ECT2: variants seen among roughly 807,000 people sequenced by gnomAD.
ECT2 encodes the protein epithelial cell transforming 2.
ECT2 carries 61 observed loss-of-function variants against 116.9 expected under a neutral mutation model. The observed-to-expected ratio is 0.52, with a 90% CI of 0.42 to 0.65. The LOEUF (loss-of-function observed/expected upper bound fraction) is 0.65, where lower values mean the gene tolerates loss of function less well. ECT2 is among the 30% of genes least tolerant of loss of function. ECT2 has a pLI of 0.00. For missense variants in ECT2, 937 were observed against 1,078.7 expected, an observed-to-expected ratio of 0.87 and a Z score of 1.84; for synonymous variants, 358 against 346.4, an observed-to-expected ratio of 1.03 and a Z score of -0.37.
chr3:172,812,519 C>T lies in ECT2; in HGVS notation c.2401-3085C>T, dbSNP rs999582334. The stretch of plus-strand genomic sequence containing the variant: ...TTGAAAAAAAAAGTCATAAGTTTAC[C>T]AATTGAAAGGAGCATTGATAAGTTA... On this transcript the variant is annotated intron_variant, in intron 22 of 24. Coordinates refer to ENST00000392692, the MANE Select transcript of ECT2 (RefSeq NM_001258315.2). 2.1e-4 allele frequency among the ~76,000 whole-genome samples: 31 copies of T among 151,156 alleles called. 1 individual carries two copies. The highest frequency in any genetic ancestry group is 9.7e-5 in the African/African-American group (4 of 41,100).
At chr3:172,763,269 C>T (rs1379095721) in intron 11 of ECT2, among the ~76,000 whole-genome samples, 3 of 152,122 alleles carry the variant, frequency 2.0e-5, no homozygotes, top group East Asian at 1.9e-4. Context: ...ACGTAGTTAA[C>T]GATGGGGAAT....
chr3:172,785,490 T>C (rs530158824), intron 17 of ECT2, among the ~76,000 whole-genome samples: 7 of 151,300 alleles, frequency 4.6e-5, no homozygotes, highest in African/African-American at 1.7e-4. Context: ...CTGGGCAACA[T>C]TCAGGGACCC....
intron 12 of ECT2, among the ~76,000 whole-genome samples, chr3:172,767,134 T>C (rs1719565459): frequency 6.6e-6 from 1 of 152,206 alleles, no homozygotes; most frequent in Non-Finnish European, 1.5e-5. Flanking sequence ...TTTTTTGAGA[T>C]TCTGTTTTTT....
the ECT2 span, chr3:172,828,775 A>AC: frequency 6.0e-5 from 38 of 637,792 alleles, no homozygotes; most frequent in Admixed American, 1.0e-4. Flanking sequence ...AAACAGAAGA[A>AC]CCCCCCATGG....
At chr3:172,768,312 C>T (rs1294878287) in intron 12 of ECT2, among the ~76,000 whole-genome samples, 1 of 152,038 alleles carries the variant, frequency 6.6e-6, no homozygotes, top group Non-Finnish European at 1.5e-5. Flanking sequence ...ATTCCTATAC[C>T]TTTTACCCAG....
In ECT2 at chr3:172,762,737, A is replaced by C. The variant is rs1192737300; in HGVS notation, c.936A>C (p.Val312=). The stretch of plus-strand genomic sequence containing the variant: ...GAGATGAAAGATGCACTCACCTTGT[A>C]GTTGAAGAGAATATAGTAAAAGATC... ...PLGDERCTHL[V]VEENIVKDLP... The change falls in exon 10 of 25, where the codon GTA becomes GTC. Residue 312 remains valine, a synonymous_variant. Coordinates refer to ENST00000392692, the MANE Select transcript of ECT2 (RefSeq NM_001258315.2). 6 of 1,613,166 alleles carry C rather than the reference A, an allele frequency of 3.7e-6. No homozygotes were observed. Among genetic ancestry groups the C allele is most frequent in the Non-Finnish European group, 5.1e-6 (6 of 1,179,666 alleles).
intron 16 of ECT2, 101 bp downstream of exon 16, chr3:172,784,010 T>A: frequency 1.3e-6 from 1 of 750,036 alleles, no homozygotes; most frequent in Non-Finnish European, 2.1e-6. Flanking sequence ...TAGTAAAATG[T>A]ATCCATTAAT....
chr3:172,792,959 A>G (rs1245754290), intron 18 of ECT2, among the ~76,000 whole-genome samples: 1 of 152,172 alleles, frequency 6.6e-6, no homozygotes, highest in African/African-American at 2.4e-5. Context: ...GAGTCAAGCA[A>G]TCTGCCTGCC....
At chr3:172,817,746 GAAGTT>G (rs1307284072) in intron 24 of ECT2, among the ~76,000 whole-genome samples, 1 of 151,970 alleles carries the variant, frequency 6.6e-6, no homozygotes. Flanking sequence ...TTAACCTACT[GAAGTT>G]AAGAAAAGCA....
chr3:172,784,730 T>C lies in ECT2; in HGVS notation c.1752T>C (p.Cys584=). 1 of 1,613,604 alleles carries C rather than the reference T, an allele frequency of 6.2e-7. No homozygotes were observed. The highest frequency in any genetic ancestry group is 8.5e-7 in the Non-Finnish European group (1 of 1,179,556). Residue 584 remains cysteine, a synonymous_variant, in exon 17 of 25, where the codon TGT becomes TGC. Transcript: ENST00000392692. ...FLKINQAKPE[C]GRQSLVELLI... ...AGATAAACCAAGCAAAACCAGAATG[T>C]GGACGGCAGAGCCTTGTTGAACTTC... is the stretch of plus-strand genomic sequence containing the variant.
chr3:172,763,141 A>C (rs778271144), intron 11 of ECT2, among the ~76,000 whole-genome samples, 169 bp downstream of exon 11: 6 of 152,218 alleles, frequency 3.9e-5, no homozygotes, highest in Admixed American at 1.3e-4. Context: ...TATTCAATGT[A>C]ATGTGTATTA....
intron 13 of ECT2, among the ~76,000 whole-genome samples, chr3:172,772,763 G>A (rs937424866): frequency 1.3e-4 from 20 of 151,884 alleles, no homozygotes; most frequent in African/African-American, 4.1e-4. Context: ...GTTTATGTCC[G>A]TGACCCATTT....
chr3:172,772,422 TC>T, intron 13 of ECT2, among the ~76,000 whole-genome samples: 1 of 152,152 alleles, frequency 6.6e-6, no homozygotes. Context: ...GATCTTGATC[TC>T]CTGACCTCGC....
intron 18 of ECT2, among the ~76,000 whole-genome samples, chr3:172,798,224 A>G (rs1343081611): frequency 6.6e-6 from 1 of 152,158 alleles, no homozygotes; most frequent in African/African-American, 2.4e-5. Context: ...TGTGTAAGTT[A>G]CAGAAATCTG....
At chr3:172,816,982 T>C in intron 24 of ECT2, 145 bp downstream of exon 24, 1 of 586,862 alleles carries the variant, frequency 1.7e-6, no homozygotes, top group Non-Finnish European at 2.8e-6. Context: ...AATATTATCA[T>C]TTGAATGCGA....
intron 14 of ECT2, 89 bp from the exon 15 acceptor site, chr3:172,782,074 T>C (rs1722791866): frequency 1.5e-6 from 1 of 657,108 alleles, no homozygotes; most frequent in Non-Finnish European, 2.4e-6. Flanking sequence ...TGTAAAGTGC[T>C]TCTTTCCAAT....
intron 7 of ECT2, 127 bp downstream of exon 7, chr3:172,760,390 T>A: frequency 1.9e-6 from 1 of 514,374 alleles, no homozygotes; most frequent in Non-Finnish European, 3.3e-6. Flanking sequence ...GCTATGAATA[T>A]ATTTAGTAAA....
rs537829237 is a variant in ECT2 at position 172,777,576 on chromosome 3, A to T, written c.1548+3554A>T. ...TCAGTATGAATTTTTCTTTTTCAAG[A>T]TTAAACATCATTAATCCTTGATGTA... On this transcript the variant is annotated intron_variant, in intron 14 of 24. Transcript: ENST00000392692. 2.6e-5 allele frequency among the ~76,000 whole-genome samples: 4 copies of T among 152,230 alleles called. No homozygotes were observed. The East Asian group carries it at 7.7e-4, about 29-fold the overall frequency.
chr3:172,777,766 G>A (rs1445600810), intron 14 of ECT2, among the ~76,000 whole-genome samples: 1 of 152,140 alleles, frequency 6.6e-6, no homozygotes, highest in Non-Finnish European at 1.5e-5. Context: ...GGGTGTGGTG[G>A]CGCATGCCTG....
Sources: gnomAD v4.1 joint callset for allele counts (sites outside exome capture counted in the v4.1 genomes callset) on GRCh38, gnomAD v4.1.1 for gene constraint, MANE v1.5 for transcripts, NCBI Gene and HGNC (gene_info 2026-07-23, HGNC 2026-07-21) for gene names.